Variants in GPR158 observed in about 807,000 individuals in gnomAD.
GPR158 encodes metabotropic glycine receptor.
Under a neutral mutation model 78.2 loss-of-function variants are expected in GPR158, and 30 were observed. That is an observed-to-expected ratio of 0.38 (90% confidence interval 0.29 to 0.52). GPR158 has a LOEUF of 0.52. GPR158 is among the 20% of genes least tolerant of loss of function. GPR158 has a pLI of 0.83. For synonymous variants in GPR158, 581 were observed against 591.1 expected (o/e 0.98, Z 0.25); for missense variants, 1,463 against 1,523.5 (o/e 0.96, Z 0.66).
chr10:25,286,697 T>C (rs928958712), intron 2 of GPR158, among the ~76,000 whole-genome samples: 3 of 152,160 alleles, frequency 2.0e-5, no homozygotes, highest in Non-Finnish European at 4.4e-5. Context: ...AGCTTTTTTT[T>C]GTTTGCCTGT....
intron 1 of GPR158, among the ~76,000 whole-genome samples, chr10:25,202,508 G>T (rs1456747820): frequency 6.6e-6 from 1 of 152,026 alleles, no homozygotes; most frequent in African/African-American, 2.4e-5. Context: ...GCAGTGTTTG[G>T]TTTTTCTGTC....
intron 5 of GPR158, among the ~76,000 whole-genome samples, chr10:25,484,024 A>T (rs543234516): frequency 6.6e-6 from 1 of 152,118 alleles, no homozygotes; most frequent in African/African-American, 2.4e-5. Flanking sequence ...CTTTATCTCT[A>T]ATTTCCCTAT....
chr10:25,500,272 T>G (rs1835934830), intron 5 of GPR158, among the ~76,000 whole-genome samples: 1 of 152,224 alleles, frequency 6.6e-6, no homozygotes, highest in South Asian at 2.1e-4. Flanking sequence ...TGTTGGGAGC[T>G]GGAGACTTCT....
chr10:25,391,705 T>G (rs1307652392), intron 2 of GPR158, among the ~76,000 whole-genome samples: 1 of 152,206 alleles, frequency 6.6e-6, no homozygotes, highest in Non-Finnish European at 1.5e-5. Context: ...GACATTGGAC[T>G]GTGGACTTTT....
intron 5 of GPR158, among the ~76,000 whole-genome samples, chr10:25,540,482 C>A (rs544195032): frequency 6.6e-6 from 1 of 152,198 alleles, no homozygotes; most frequent in Non-Finnish European, 1.5e-5. Flanking sequence ...GCTGTAAAGA[C>A]ACATGCATAC....
chr10:25,292,422 T>G (rs1440783388), intron 2 of GPR158, among the ~76,000 whole-genome samples: 1 of 152,136 alleles, frequency 6.6e-6, no homozygotes, highest in African/African-American at 2.4e-5. Flanking sequence ...GGATACTTTT[T>G]TTTCTTTCCT....
chr10:25,495,096 A>G (rs1835861059), intron 5 of GPR158, among the ~76,000 whole-genome samples: 1 of 151,892 alleles, frequency 6.6e-6, no homozygotes, highest in Admixed American at 6.6e-5. Flanking sequence ...AAGCATAGAT[A>G]AGCAGAGAGG....
At chr10:25,222,853 G>A (rs1450668977) in intron 2 of GPR158, among the ~76,000 whole-genome samples, 5 of 152,168 alleles carry the variant, frequency 3.3e-5, no homozygotes, top group Non-Finnish European at 5.9e-5. Context: ...AGTCTGCCTA[G>A]AAACAAGGAG....
Position 25,375,902 on chromosome 10 carries a change from G to T in GPR158, c.1009-20009G>T, listed in dbSNP as rs546631257. Among the ~76,000 whole-genome samples the T allele has an allele frequency of 5.9e-5, 9 of 151,350 alleles. No homozygotes were observed. The South Asian group carries it at 1.0e-3, about 17-fold the overall frequency. On this transcript the variant is annotated intron_variant, in intron 2 of 10. Transcript: ENST00000376351. ...ACAATTTTTAATGTAAGTTAATAAG[G>T]TTCCTTATGTATACAAAATATATAG...
chr10:25,474,760 A>G (rs1353493524), intron 5 of GPR158, among the ~76,000 whole-genome samples: 1 of 152,122 alleles, frequency 6.6e-6, no homozygotes, highest in Non-Finnish European at 1.5e-5. Context: ...GAATGAGTGA[A>G]CAAGTTATAC....
intron 2 of GPR158, among the ~76,000 whole-genome samples, chr10:25,296,499 TATTG>T (rs112540838): frequency 0.044 from 6,665 of 151,992 alleles, 157 homozygotes; most frequent in African/African-American, 0.053. Flanking sequence ...CTAATCTATC[TATTG>T]ATTGATTGAT....
intron 4 of GPR158, among the ~76,000 whole-genome samples, chr10:25,457,802 A>G (rs1269703045): frequency 6.6e-6 from 1 of 152,252 alleles, no homozygotes; most frequent in Admixed American, 6.5e-5. Context: ...CATCTCTGCA[A>G]CTGCAGTGAG....
intron 4 of GPR158, among the ~76,000 whole-genome samples, chr10:25,464,906 T>G (rs1430035151): frequency 2.0e-5 from 3 of 152,220 alleles, no homozygotes; most frequent in Non-Finnish European, 4.4e-5. Context: ...GATAGAAATT[T>G]TCTTTTCACC....
At chr10:25,540,252 C>T (rs1040221432) in intron 5 of GPR158, among the ~76,000 whole-genome samples, 16 of 152,208 alleles carry the variant, frequency 1.1e-4, no homozygotes, top group Non-Finnish European at 2.9e-5. Flanking sequence ...GATACCATCT[C>T]ATACCAGTTA....
At chr10:25,355,352 T>A (rs1462980251) in intron 2 of GPR158, among the ~76,000 whole-genome samples, 3 of 152,136 alleles carry the variant, frequency 2.0e-5, no homozygotes, top group Non-Finnish European at 4.4e-5. Flanking sequence ...TTTGTCAGTT[T>A]TAAGGTATCT....
At chr10:25,226,499 G>A (rs1047658520) in intron 2 of GPR158, among the ~76,000 whole-genome samples, 1 of 152,126 alleles carries the variant, frequency 6.6e-6, no homozygotes, top group East Asian at 1.9e-4. Flanking sequence ...TTGTATTAGT[G>A]CAATTGAAAC....
rs919701343 is a variant in GPR158, at chr10:25,196,506, T to G, written c.902+20184T>G. On this transcript the variant is annotated intron_variant, in intron 1 of 10. Transcript: ENST00000376351. ...CCACCAGTTCTGCTAAATATGATCC[T>G]TAGTTGGTCATTATTTTTATGATTG... Among the ~76,000 whole-genome samples, 17 of 152,338 alleles carry G rather than the reference T, an allele frequency of 1.1e-4. No individual in the cohort carries two copies. The East Asian group carries it at 3.3e-3, about 29-fold the overall frequency.
At chr10:25,316,461 T>G (rs1854850710) in intron 2 of GPR158, among the ~76,000 whole-genome samples, 1 of 152,160 alleles carries the variant, frequency 6.6e-6, no homozygotes, top group African/African-American at 2.4e-5. Flanking sequence ...AACGATAGTG[T>G]TTTTGTTTGT....
intron 1 of GPR158, among the ~76,000 whole-genome samples, chr10:25,205,539 T>C (rs1203029682): frequency 5.3e-5 from 8 of 152,226 alleles, no homozygotes; most frequent in African/African-American, 1.4e-4. Context: ...AGATCCTTCT[T>C]TTTTGGTGTG....
Sources: gnomAD v4.1 joint callset for allele counts (sites outside exome capture counted in the v4.1 genomes callset) on GRCh38, gnomAD v4.1.1 for gene constraint, MANE v1.5 for transcripts, NCBI Gene and HGNC (gene_info 2026-07-23, HGNC 2026-07-21) for gene names.